C1orf174: variants seen among roughly 807,000 people sequenced by gnomAD.
C1orf174 encodes chromosome 1 open reading frame 174, also known as UPF0688 protein C1orf174.
A neutral mutation model predicts 18.4 loss-of-function variants in C1orf174; 13 were observed. The ratio of observed to expected loss-of-function variants is 0.71; its 90% confidence interval spans 0.46 to 1.12. The LOEUF is 1.12. Among genes scored for constraint, C1orf174 ranks in the 50% most tolerant of loss-of-function variants. The pLI is 0.00. For missense variants in C1orf174, 309 were observed against 308.0 expected, an observed-to-expected ratio of 1.00 and a Z score of -0.02; for synonymous variants, 100 against 118.3, an observed-to-expected ratio of 0.85 and a Z score of 1.01.
chr1:3,892,795 T>A lies in C1orf174; in HGVS notation c.129+88A>T, dbSNP rs1466754257. 4.6e-6 allele frequency: 7 copies of A among 1,526,390 alleles called. No homozygotes were observed. In the African/African-American group the frequency reaches 9.7e-5, roughly 21 times the overall value. 94.6% of individuals were successfully genotyped at this position (1,526,390 alleles called of 1,614,324 possible). A position where few individuals can be genotyped will look rare whatever the true frequency, so the allele number is the denominator to read the frequency against. ...AGATAAGTAACAGTCGATATTTTTC[T>A]AAAGCAACACATCTTGGAGTGGCAA... is the stretch of plus-strand genomic sequence containing the variant. On this transcript the variant is annotated intron_variant, in intron 2 of 3. Transcript: ENST00000361605.
chr1:3,894,568 C>T (rs185536831), intron 1 of C1orf174, among the ~76,000 whole-genome samples: 118 of 149,760 alleles, frequency 7.9e-4, no homozygotes, highest in Non-Finnish European at 1.4e-3. Context: ...GATTGCGCCA[C>T]CGCACTCCAG....
intron 2 of C1orf174, chr1:3,891,694 T>C (rs1431438778): frequency 1.0e-6 from 1 of 986,050 alleles, no homozygotes; most frequent in Admixed American, 6.1e-5. Flanking sequence ...CGGCATGAGA[T>C]TCCTTTCCCC....
intron 1 of C1orf174, among the ~76,000 whole-genome samples, 166 bp downstream of exon 1, chr1:3,900,006 C>T (rs1418780261): frequency 6.7e-6 from 1 of 148,834 alleles, no homozygotes; most frequent in Non-Finnish European, 1.5e-5. Context: ...CTCCTTCTCC[C>T]GGGAGCGTGG....
chr1:3,898,504 G>A (rs1184320922), intron 1 of C1orf174, among the ~76,000 whole-genome samples: 1 of 144,234 alleles, frequency 6.9e-6, no homozygotes, highest in African/African-American at 2.6e-5. Flanking sequence ...TGAGACTCTG[G>A]TCTCAAAGCA....
At chr1:3,890,095 A>G (rs760643469) in intron 3 of C1orf174, 22 bp from the exon 4 acceptor site, 41 of 1,592,916 alleles carry the variant, frequency 2.6e-5, no homozygotes, top group Non-Finnish European at 2.4e-5. Context: ...AGAAAACATG[A>G]CTTCAGTCAT....
At chr1:3,890,164 C>G (rs1034549480) in intron 3 of C1orf174, 91 bp from the exon 4 acceptor site, 2 of 989,630 alleles carry the variant, frequency 2.0e-6, no homozygotes, top group Non-Finnish European at 3.2e-6. Context: ...CTCTAGGGCT[C>G]GCAGAGCGCT....
intron 1 of C1orf174, among the ~76,000 whole-genome samples, chr1:3,893,879 G>A (rs1638557319): frequency 6.6e-6 from 1 of 152,208 alleles, no homozygotes; most frequent in African/African-American, 2.4e-5. Flanking sequence ...CTGGGTGACA[G>A]AGTGAGACAG....
At position 3,900,258 on chromosome 1, in the gene C1orf174, T is replaced by C. The variant is rs531829915; in HGVS notation, c.-72A>G. On this transcript the variant is annotated 5_prime_UTR_variant, in exon 1 of 4. Coordinates refer to ENST00000361605, the MANE Select transcript of C1orf174 (RefSeq NM_207356.3). ...CCCGGCGGAGCGGCGACCCGGAGTC[T>C]GCAGAGCGCGCCGCGGCGGCGTCCG... is the stretch of plus-strand genomic sequence containing the variant. 40 of 1,473,366 alleles carry C rather than the reference T, an allele frequency of 2.7e-5. No individual in the cohort carries two copies. The highest frequency in any genetic ancestry group is 3.5e-5 in the Non-Finnish European group (39 of 1,126,650). 91.3% of individuals were successfully genotyped at this position (1,473,366 alleles called of 1,614,324 possible).
chr1:3,891,549 A>G (rs761843443), intron 2 of C1orf174: 170 of 980,698 alleles, frequency 1.7e-4, no homozygotes, highest in Non-Finnish European at 1.9e-4. Context: ...TCATGAGCAA[A>G]GCTCTGTGCT....
chr1:3,890,472 T>C, intron 3 of C1orf174, 97 bp downstream of exon 3: 2 of 1,480,656 alleles, frequency 1.4e-6, no homozygotes, highest in Admixed American at 3.9e-5. Flanking sequence ...TAATGTTGTG[T>C]CGAGGCATTA....
chr1:3,890,029 T>C lies in C1orf174; in HGVS notation c.663A>G (p.Arg221=). ...CTCTGAAATGCATTTTTCTGAACTC[T>C]CGTCTGCTCATTGAAGGACAAGATG... ...ASSSCPSMSR[R]EFRKMHFRAK... is the part of the protein sequence containing the mutation. Residue 221 remains arginine, a synonymous_variant, in exon 4 of 4, where the codon CGA becomes CGG. Transcript: ENST00000361605. The C allele has an allele frequency of 6.2e-7, 1 of 1,614,240 alleles. No homozygotes were observed. Among genetic ancestry groups the C allele is most frequent in the Middle Eastern group, 1.6e-4 (1 of 6,062 alleles).
chr1:3,898,174 CAAAT>C (rs1045737829), intron 1 of C1orf174, among the ~76,000 whole-genome samples: 11 of 152,064 alleles, frequency 7.2e-5, no homozygotes, highest in African/African-American at 2.4e-4. Context: ...TCAACATGCT[CAAAT>C]AAACTTGTCA....
chr1:3,890,138 G>A, intron 3 of C1orf174, 65 bp from the exon 4 acceptor site: 1 of 1,315,618 alleles, frequency 7.6e-7, no homozygotes, highest in Admixed American at 1.7e-5. Flanking sequence ...CATTTGCAAT[G>A]TGCCCCACCC....
rs1348041329 is a variant in C1orf174 at position 3,900,248 on chromosome 1, A to T, written c.-62T>A. 9.5e-6 allele frequency: 14 copies of T among 1,477,234 alleles called. No homozygotes were observed. Among genetic ancestry groups the T allele is most frequent in the Non-Finnish European group, 1.2e-5 (13 of 1,123,016 alleles). 91.5% of individuals were successfully genotyped at this position (1,477,234 alleles called of 1,614,324 possible). On this transcript the variant is annotated 5_prime_UTR_variant, in exon 1 of 4. Transcript: ENST00000361605. ...GCCAACGCGTCCCGGCGGAGCGGCGACCCGGAGTCTGCAGAGCGCGCCGCG... is the reference window on the plus strand; with the variant it reads ...GCCAACGCGTCCCGGCGGAGCGGCGTCCCGGAGTCTGCAGAGCGCGCCGCG...
In C1orf174 at chr1:3,889,772, A is replaced by G. The variant is rs944615352; in HGVS notation, c.*188T>C. The G allele has an allele frequency of 3.4e-6, 2 of 590,116 alleles. No homozygotes were observed. The highest frequency in any genetic ancestry group is 3.9e-5 in the South Asian group (2 of 51,822). 36.6% of individuals were successfully genotyped at this position (590,116 alleles called of 1,614,324 possible). On this transcript the variant is annotated 3_prime_UTR_variant, in exon 4 of 4. Transcript: ENST00000361605. ...GCTTTGCAACCTCAAAGATGGTTTG[A>G]GTTTTAGTTCCCATGAGTACATCCT...
Position 3,890,835 on chromosome 1 carries a change from TTGCAGCCCCC to T in C1orf174, c.342_351del (p.Gly115ValfsTer10), listed in dbSNP as rs1638496304. On this transcript the variant is annotated frameshift_variant, in exon 3 of 4. Coordinates refer to ENST00000361605, the MANE Select transcript of C1orf174 (RefSeq NM_207356.3). LOFTEE classifies it high-confidence loss of function. ...ACTCTGCAGCCACCGAGAGGAAGAC[TTGCAGCCCCC>T]TGCTGCACAGAAACGCCAGCCTCGC... The T allele has an allele frequency of 1.2e-6, 2 of 1,613,228 alleles. No individual in the cohort carries two copies. The highest frequency in any genetic ancestry group is 1.7e-6 in the Non-Finnish European group (2 of 1,179,988).
chr1:3,898,731 A>G (rs1426801103), intron 1 of C1orf174, among the ~76,000 whole-genome samples: 3 of 152,254 alleles, frequency 2.0e-5, no homozygotes, highest in Non-Finnish European at 4.4e-5. Context: ...GCAATTGTAT[A>G]CAGTAATATG....
rs1013203730 is a variant in C1orf174, at chr1:3,890,684, T to C, written c.503A>G (p.Gln168Arg). The change falls in exon 3 of 4, where the codon CAG becomes CGG. Residue 168 changes from glutamine to arginine, a missense_variant. Physicochemically the swap from Gln to Arg is conservative, Grantham distance 43. Coordinates refer to ENST00000361605, the MANE Select transcript of C1orf174 (RefSeq NM_207356.3). ...TVQKQNEPGL[Q>R]TEDVQKPPLQ... is the part of the protein sequence containing the mutation. ...TGGTGGCTTCTGCACATCCTCTGTC[T>C]GTAGCCCTGGCTCATTCTGCTTCTG... 3 of 1,614,042 alleles carry C rather than the reference T, an allele frequency of 1.9e-6. No individual in the cohort carries two copies. The African/African-American group carries it at 4.0e-5, about 22-fold the overall frequency.
Position 3,889,856 on chromosome 1 carries a change from T to G in C1orf174, c.*104A>C. ...AGATGGGTCAGTTCTGAAGTTTGATTAAGACATTCTCTTGGAGATACATTT... is the reference window on the plus strand; with the variant it reads ...AGATGGGTCAGTTCTGAAGTTTGATGAAGACATTCTCTTGGAGATACATTT... On this transcript the variant is annotated 3_prime_UTR_variant, in exon 4 of 4. Coordinates refer to ENST00000361605, the MANE Select transcript of C1orf174 (RefSeq NM_207356.3). 1 of 1,076,266 alleles carries G rather than the reference T, an allele frequency of 9.3e-7. No individual in the cohort carries two copies. 66.7% of individuals were successfully genotyped at this position (1,076,266 alleles called of 1,614,324 possible).
Sources: allele counts gnomAD v4.1 joint callset (sites outside exome capture counted in the v4.1 genomes callset), GRCh38; gene constraint gnomAD v4.1.1; transcripts MANE v1.5; gene names NCBI Gene and HGNC (gene_info 2026-07-23, HGNC 2026-07-21).